HMCN1: variants seen among roughly 807,000 people sequenced by gnomAD.
HMCN1 encodes hemicentin 1, also known as hemicentin-1.
A neutral mutation model predicts 625.9 loss-of-function variants in HMCN1; 321 were observed. The observed-to-expected ratio is 0.51, with a 90% CI of 0.47 to 0.56. HMCN1 has a LOEUF of 0.56. Among genes scored for constraint, HMCN1 ranks in the 20% least tolerant of loss-of-function variants. The pLI, the probability that HMCN1 is intolerant of heterozygous loss-of-function variation, is 0.00. For synonymous variants in HMCN1, 2,425 were observed against 2,417.6 expected (o/e 1.00, Z -0.09); for missense variants, 6,588 against 6,887.3 (o/e 0.96, Z 1.54).
chr1:185,921,921 G>A (rs12061058), intron 6 of HMCN1, among the ~76,000 whole-genome samples: 11,552 of 152,148 alleles, frequency 0.076, 1,446 homozygotes, highest in African/African-American at 0.26. Flanking sequence ...GAAAATGGTC[G>A]GCTCTATTGC....
At chr1:186,087,692 G>T in intron 60 of HMCN1, 47 bp downstream of exon 60, 1 of 1,558,140 alleles carries the variant, frequency 6.4e-7, no homozygotes, top group South Asian at 1.1e-5. Flanking sequence ...TTGGTGGGGT[G>T]GTGGAAAAGA....
In HMCN1 at chr1:186,077,099, A is replaced by G. The variant is rs572494166; in HGVS notation, c.8485+477A>G. Among the ~76,000 whole-genome samples the G allele has an allele frequency of 6.6e-5, 10 of 152,298 alleles. No homozygotes were observed. The East Asian group carries it at 1.9e-3, about 29-fold the overall frequency. On this transcript the variant is annotated intron_variant, in intron 54 of 106. Transcript: ENST00000271588. Reference sequence around the variant, plus strand: ...AAACTGTTATGGAATAATATTTTCAAGGCTTCTATTTAATTTTAACAAGCA... The same window carrying G: ...AAACTGTTATGGAATAATATTTTCAGGGCTTCTATTTAATTTTAACAAGCA...
rs146426145 is a variant in HMCN1 at position 185,963,354 on chromosome 1, G to A, written c.1971-414G>A. Reference sequence around the variant, plus strand: ...ACATTACATCTCTAAGGTTTTCATTGTGATGAACCGTTTACTATAGCAATC... The same window carrying A: ...ACATTACATCTCTAAGGTTTTCATTATGATGAACCGTTTACTATAGCAATC... On this transcript the variant is annotated intron_variant, in intron 12 of 106. Transcript: ENST00000271588. 7.7e-3 allele frequency among the ~76,000 whole-genome samples: 1,173 copies of A among 152,130 alleles called. 17 individuals carry two copies. Among genetic ancestry groups the A allele is most frequent in the African/African-American group, 0.027 (1,112 of 41,500 alleles).
At position 186,190,242 on chromosome 1, in the gene HMCN1, G is replaced by A. The variant is rs1653637281; in HGVS notation, c.*364G>A. ...ACGAAAAACAAGAACAACTAATTCA[G>A]AATCAAATAGAGTTTTTGAGCATTT... On this transcript the variant is annotated 3_prime_UTR_variant, in exon 107 of 107. Transcript: ENST00000271588. 1 of 249,026 alleles carries A rather than the reference G, an allele frequency of 4.0e-6. No individual in the cohort carries two copies. 15.4% of individuals were successfully genotyped at this position (249,026 alleles called of 1,614,324 possible).
At chr1:185,958,835 A>G (rs1039179658) in intron 11 of HMCN1, among the ~76,000 whole-genome samples, 2 of 152,210 alleles carry the variant, frequency 1.3e-5, no homozygotes, top group Non-Finnish European at 2.9e-5. Context: ...CACTTGCTAC[A>G]TAGTATTATT....
At position 186,076,666 on chromosome 1, in the gene HMCN1, A is replaced by G. The variant is rs761444881; in HGVS notation, c.8485+44A>G. On this transcript the variant is annotated intron_variant, in intron 54 of 106. Coordinates refer to ENST00000271588, the MANE Select transcript of HMCN1 (RefSeq NM_031935.3). ...AGGGTGAAAAGCTGACTCTCTGCCA[A>G]ATGTGTTTCCTCTCATGTATTAGAC... 21 of 1,571,334 alleles carry G rather than the reference A, an allele frequency of 1.3e-5. No individual in the cohort carries two copies. The Admixed American group carries it at 2.5e-4, about 19-fold the overall frequency.
intron 1 of HMCN1, among the ~76,000 whole-genome samples, chr1:185,779,393 T>G (rs1438798500): frequency 6.6e-6 from 1 of 152,246 alleles, no homozygotes; most frequent in East Asian, 1.9e-4. Context: ...GCCATTGCTT[T>G]TGGGGTTTTA....
At chr1:185,865,656 A>G in intron 3 of HMCN1, 85 bp from the exon 4 acceptor site, 1 of 1,134,058 alleles carries the variant, frequency 8.8e-7, no homozygotes, top group Non-Finnish European at 1.3e-6. Context: ...TTGCCCAGTA[A>G]TGTAACACAA....
At chr1:185,754,905 GCTAT>G (rs1299322253) in intron 1 of HMCN1, among the ~76,000 whole-genome samples, 9 of 152,076 alleles carry the variant, frequency 5.9e-5, no homozygotes, top group African/African-American at 1.4e-4. Context: ...CATGGAGTAG[GCTAT>G]CTGAGTTTTA....
At chr1:186,015,896 A>C in intron 31 of HMCN1, 62 bp from the exon 32 acceptor site, 1 of 1,444,870 alleles carries the variant, frequency 6.9e-7, no homozygotes. Flanking sequence ...TCTTTATTTC[A>C]TTAGAATGTA....
Position 186,038,929 on chromosome 1 carries a change from A to C in HMCN1, c.5952A>C (p.Ser1984=). The C allele has an allele frequency of 6.8e-6, 11 of 1,609,196 alleles. No homozygotes were observed. The highest frequency in any genetic ancestry group is 8.5e-6 in the Non-Finnish European group (10 of 1,175,580). The change falls in exon 38 of 107, where the codon TCA becomes TCC. Residue 1984 remains serine, a synonymous_variant. Coordinates refer to ENST00000271588, the MANE Select transcript of HMCN1 (RefSeq NM_031935.3). The stretch of plus-strand genomic sequence containing the variant: ...TTGATATTGAAAGTGCCCAGATCTC[A>C]GATGCTGGCATATATAAATGCGTGG... The part of the protein sequence containing the change: ...QIIDIESAQI[S]DAGIYKCVAI...
chr1:185,884,750 T>C (rs1477916543), intron 4 of HMCN1, among the ~76,000 whole-genome samples: 1 of 151,990 alleles, frequency 6.6e-6, no homozygotes, highest in East Asian at 1.9e-4. Flanking sequence ...GAATATTTTA[T>C]AGAGGACCCA....
intron 55 of HMCN1, 95 bp downstream of exon 55, chr1:186,078,315 C>T: frequency 1.2e-6 from 1 of 846,328 alleles, no homozygotes; most frequent in South Asian, 1.4e-5. Flanking sequence ...GCTTTTGAGA[C>T]TATAAAGATA....
Position 185,969,956 on chromosome 1 carries a change from G to A in HMCN1, c.2213-379G>A, listed in dbSNP as rs146686511. 2.2e-4 allele frequency among the ~76,000 whole-genome samples: 33 copies of A among 152,128 alleles called. No individual in the cohort carries two copies. The East Asian group carries it at 6.2e-3, about 29-fold the overall frequency. ...CATTAGCAGAAATAAAATTCCTCTG[G>A]TCTCTCAAACATCTACTGAGTAACC... is the stretch of plus-strand genomic sequence containing the variant. On this transcript the variant is annotated intron_variant, in intron 14 of 106. Transcript: ENST00000271588.
At chr1:185,943,622 C>T (rs956825196) in intron 11 of HMCN1, among the ~76,000 whole-genome samples, 1 of 152,202 alleles carries the variant, frequency 6.6e-6, no homozygotes, top group African/African-American at 2.4e-5. Context: ...AGCCATTACA[C>T]CCTCCCAGCA....
chr1:186,111,204 A>G (rs1030675974), intron 71 of HMCN1, among the ~76,000 whole-genome samples: 5 of 151,326 alleles, frequency 3.3e-5, no homozygotes, highest in Non-Finnish European at 7.4e-5. Flanking sequence ...GATGGTCTCG[A>G]TCTCCTGACC....
chr1:186,123,257 A>G, intron 81 of HMCN1, 37 bp downstream of exon 81: 1 of 1,594,930 alleles, frequency 6.3e-7, no homozygotes, highest in African/African-American at 1.3e-5. Flanking sequence ...AGTCTGCTGC[A>G]CTACCATGGC....
chr1:185,824,505 T>C (rs1045504794), intron 1 of HMCN1, among the ~76,000 whole-genome samples: 2 of 152,178 alleles, frequency 1.3e-5, no homozygotes, highest in African/African-American at 4.8e-5. Context: ...TCTGATAAGA[T>C]ACTAATAAAC....
intron 11 of HMCN1, among the ~76,000 whole-genome samples, chr1:185,954,442 C>T (rs181235693): frequency 1.5e-4 from 23 of 152,140 alleles, no homozygotes; most frequent in Non-Finnish European, 2.4e-4. Flanking sequence ...ATTGCATAAA[C>T]GTATCACTAG....
Sources: gnomAD v4.1 joint callset for allele counts (sites outside exome capture counted in the v4.1 genomes callset) on GRCh38, gnomAD v4.1.1 for gene constraint, MANE v1.5 for transcripts, NCBI Gene and HGNC (gene_info 2026-07-23, HGNC 2026-07-21) for gene names.